Variants in ZNF184 observed in about 807,000 individuals in gnomAD.
ZNF184 encodes the protein zinc finger protein 184.
ZNF184 carries 16 observed loss-of-function variants against 54.4 expected under a neutral mutation model. The observed-to-expected ratio is 0.29, with a 90% CI of 0.20 to 0.45. ZNF184 has a LOEUF of 0.45. Among genes scored for constraint, ZNF184 ranks in the 20% least tolerant of loss-of-function variants. ZNF184 has a pLI of 1.00. For synonymous variants in ZNF184, 254 were observed against 295.3 expected (o/e 0.86, Z 1.43); for missense variants, 681 against 888.2 (o/e 0.77, Z 2.97).
At chr6:27,445,369 G>C in the ZNF184 span, among the ~76,000 whole-genome samples, 1 of 152,162 alleles carries the variant, frequency 6.6e-6, no homozygotes, top group Non-Finnish European at 1.5e-5. Context: ...TGATTGCTGT[G>C]GTTTGAATGT....
the ZNF184 span, among the ~76,000 whole-genome samples, chr6:27,421,485 G>A: frequency 6.6e-6 from 1 of 152,138 alleles, no homozygotes; most frequent in South Asian, 2.1e-4. Context: ...AGGGATGACA[G>A]CATAACCATT....
At chr6:27,442,864 AAGAAAGAAAG>A in the ZNF184 span, among the ~76,000 whole-genome samples, 6 of 79,314 alleles carry the variant, frequency 7.6e-5, 1 homozygote, top group African/African-American at 2.1e-4. Context: ...GAAAGAAAGA[AAGAAAGAAAG>A]AAAGAAAAAG....
the ZNF184 span, among the ~76,000 whole-genome samples, chr6:27,423,587 A>C: frequency 2.0e-5 from 3 of 151,908 alleles, no homozygotes; most frequent in Non-Finnish European, 4.4e-5. Context: ...CTCTGTTCTC[A>C]GCAATACGCA....
the ZNF184 span, among the ~76,000 whole-genome samples, chr6:27,440,742 T>G: frequency 2.6e-5 from 4 of 151,900 alleles, no homozygotes; most frequent in African/African-American, 4.8e-5. Flanking sequence ...GGTGGCTCAC[T>G]CCTGTAATCC....
the ZNF184 span, among the ~76,000 whole-genome samples, chr6:27,442,132 C>T: frequency 6.6e-5 from 10 of 152,142 alleles, no homozygotes; most frequent in African/African-American, 2.4e-4. Flanking sequence ...GGCCCCGTGC[C>T]CTTCTATTTT....
chr6:27,419,527 CAGATAGATAGATAGATAGAT>C, the ZNF184 span, among the ~76,000 whole-genome samples: 68 of 149,134 alleles, frequency 4.6e-4, no homozygotes, highest in Admixed American at 2.8e-3. This position sits in a 1 kb window ranked among gnomAD's most constrained non-coding sequence, Gnocchi z 4.8. Flanking sequence ...TTTCAATATT[CAGATAGATAGATAGATAGAT>C]AGATAGATAG....
Position 27,472,229 on chromosome 6 carries a change from C to A in ZNF184, c.7+59G>T. 1 of 1,606,780 alleles carries A rather than the reference C, an allele frequency of 6.2e-7. No individual in the cohort carries two copies. The highest frequency in any genetic ancestry group is 1.7e-5 in the Admixed American group (1 of 59,722). ...CTCTGATCTCAAGTATTTGATACTC[C>A]AGTCATGACTGTTCTCAAGCCTCCA... On this transcript the variant is annotated intron_variant, in intron 2 of 5. Coordinates refer to ENST00000683788, the MANE Select transcript of ZNF184 (RefSeq NM_001318891.2). This position sits in a 1 kb window ranked among gnomAD's most constrained non-coding sequence, Gnocchi z 4.8.
chr6:27,471,919 C>A (rs1400660628), intron 2 of ZNF184, among the ~76,000 whole-genome samples: 1 of 152,208 alleles, frequency 6.6e-6, no homozygotes, highest in East Asian at 1.9e-4. Context: ...GGTTGACAGA[C>A]AGCCGTCTGC....
Position 27,452,127 on chromosome 6 carries a change from C to A in ZNF184, c.1432G>T (p.Glu478Ter), listed in dbSNP as rs1198689745. ...HTGEKPYKCN[E>*]CGKAFSYCSS... The stretch of plus-strand genomic sequence containing the variant: ...CAGTAACTGAAGGCCTTTCCACATT[C>A]ATTGCATTTGTAAGGTTTTTCTCCA... Residue 478 changes from glutamate (E) to a stop codon, truncating the protein, a stop_gained, in exon 6 of 6, where the codon GAA (glutamate) becomes TAA (stop). Coordinates refer to ENST00000683788, the MANE Select transcript of ZNF184 (RefSeq NM_001318891.2). LOFTEE classifies it high-confidence loss of function. This position sits in a 1 kb window ranked among gnomAD's most constrained non-coding sequence, Gnocchi z 5.5. 6.2e-7 allele frequency: 1 copy of A among 1,613,960 alleles called. No homozygotes were observed. The highest frequency in any genetic ancestry group is 8.5e-7 in the Non-Finnish European group (1 of 1,180,002).
At chr6:27,432,542 A>G in the ZNF184 span, among the ~76,000 whole-genome samples, 1 of 152,218 alleles carries the variant, frequency 6.6e-6, no homozygotes, top group African/African-American at 2.4e-5. This position sits in a 1 kb window ranked among gnomAD's most constrained non-coding sequence, Gnocchi z 4.0. Context: ...TCAAGAGATG[A>G]TGACAGGCCT....
At chr6:27,466,055 TAGAGTAATC>T (rs1363805629) in intron 3 of ZNF184, among the ~76,000 whole-genome samples, 1 of 152,020 alleles carries the variant, frequency 6.6e-6, no homozygotes, top group Non-Finnish European at 1.5e-5. Context: ...TAGGTGAGCC[TAGAGTAATC>T]ACAAGGGTCT....
downstream of ZNF184, among the ~76,000 whole-genome samples, chr6:27,449,232 G>T (rs76217193): frequency 0.021 from 3,159 of 152,288 alleles, 53 homozygotes; most frequent in Non-Finnish European, 0.037. Context: ...CTTGGACATT[G>T]AAACATCCAA....
rs1178141031 is a variant in ZNF184, at chr6:27,451,776, A to C, written c.1783T>G (p.Phe595Val). The C allele has an allele frequency of 1.2e-6, 2 of 1,614,042 alleles. No homozygotes were observed. The highest frequency in any genetic ancestry group is 1.7e-6 in the Non-Finnish European group (2 of 1,179,986). ...TGTGTAAGGTGTATGTTCTGGTTGA[A>C]TGCTCTCCCACACTCATTACACTTG... ...PYKCNECGRA[F>V]NQNIHLTQHK... Residue 595 changes from phenylalanine (F) to valine (V), a missense_variant, in exon 6 of 6, where the codon TTC becomes GTC. By Grantham distance (50) the Phe-to-Val change is conservative. Coordinates refer to ENST00000683788, the MANE Select transcript of ZNF184 (RefSeq NM_001318891.2).
At chr6:27,408,028 A>T in the ZNF184 span, 1 of 978,184 alleles carries the variant, frequency 1.0e-6, no homozygotes, top group Non-Finnish European at 1.7e-6. Context: ...GTTATATGCA[A>T]ATGTGACCTG....
Position 27,454,295 on chromosome 6 carries a change from T to C in ZNF184, c.299-1035A>G, listed in dbSNP as rs143424297. ...ACCACTACCACTATCACCGCAAGCA[T>C]GAGCAGTGCGGCAGACCTCAGAGCT... On this transcript the variant is annotated intron_variant, in intron 5 of 5. Transcript: ENST00000683788. 3.7e-4 allele frequency among the ~76,000 whole-genome samples: 56 copies of C among 152,216 alleles called. No homozygotes were observed. The East Asian group carries it at 0.01, about 28-fold the overall frequency.
At chr6:27,470,715 G>C (rs1763253514) in intron 2 of ZNF184, among the ~76,000 whole-genome samples, 1 of 152,110 alleles carries the variant, frequency 6.6e-6, no homozygotes, top group Non-Finnish European at 1.5e-5. Context: ...AACAGCAACA[G>C]TTACAGAAAC....
downstream of ZNF184, among the ~76,000 whole-genome samples, chr6:27,450,584 T>A (rs1054206838): frequency 6.6e-6 from 1 of 152,116 alleles, no homozygotes; most frequent in African/African-American, 2.4e-5. Flanking sequence ...AACAAATTTC[T>A]ATTGTTTAAG....
chr6:27,436,901 G>T, the ZNF184 span, among the ~76,000 whole-genome samples: 1 of 152,134 alleles, frequency 6.6e-6, no homozygotes, highest in African/African-American at 2.4e-5. Flanking sequence ...GGCATTTGTG[G>T]GTACCTTTGG....
downstream of ZNF184, among the ~76,000 whole-genome samples, chr6:27,448,069 T>C (rs1762658188): frequency 6.6e-6 from 1 of 152,204 alleles, no homozygotes; most frequent in Admixed American, 6.5e-5. Context: ...ACTTTGCACA[T>C]TTATATTTTG....
Sources: gnomAD v4.1 joint callset for allele counts (sites outside exome capture counted in the v4.1 genomes callset) on GRCh38, gnomAD v4.1.1 for gene constraint, Gnocchi (gnomAD v3.1) non-coding constraint, MANE v1.5 for transcripts, NCBI Gene and HGNC (gene_info 2026-07-23, HGNC 2026-07-21) for gene names.